CACNA1C: variants seen among roughly 807,000 people sequenced by gnomAD.
CACNA1C encodes the protein calcium voltage-gated channel subunit alpha1 C, also known as voltage-dependent L-type calcium channel subunit alpha-1C.
Under a neutral mutation model 229.0 loss-of-function variants are expected in CACNA1C, and 30 were observed. The observed-to-expected ratio is 0.13, with a 90% CI of 0.10 to 0.18. CACNA1C has a LOEUF of 0.18. Among genes scored for constraint, CACNA1C ranks in the 10% least tolerant of loss-of-function variants. The pLI, the probability that CACNA1C is intolerant of heterozygous loss-of-function variation, is 1.00. For synonymous variants in CACNA1C, 1,114 were observed against 1,132.5 expected (o/e 0.98, Z 0.33); for missense variants, 1,658 against 2,845.0 (o/e 0.58, Z 9.49).
In CACNA1C at chr12:2,471,485, A is replaced by G. The variant is rs190771585; in HGVS notation, c.757+13779A>G. On this transcript the variant is annotated intron_variant, in intron 5 of 46. Transcript: ENST00000399655. The stretch of plus-strand genomic sequence containing the variant: ...TTTCCCCTTATCTTGAAGCAACCCA[A>G]TGGCATTTCTATAATGTAGGTCTGC... Among the ~76,000 whole-genome samples, 606 of 152,312 alleles carry G rather than the reference A, an allele frequency of 4.0e-3. 6 individuals are homozygous for G. Among genetic ancestry groups the G allele is most frequent in the African/African-American group, 0.014 (570 of 41,566 alleles).
chr12:2,634,525 T>C (rs886788284), intron 30 of CACNA1C, 145 bp downstream of exon 30: 30 of 440,902 alleles, frequency 6.8e-5, no homozygotes, highest in Non-Finnish European at 1.1e-4. Flanking sequence ...GGTTTGAAGG[T>C]TTTTTTTTCC....
At chr12:2,453,001 G>T (rs990985441) in intron 4 of CACNA1C, among the ~76,000 whole-genome samples, 4 of 152,178 alleles carry the variant, frequency 2.6e-5, no homozygotes, top group African/African-American at 9.7e-5. Flanking sequence ...GGCCTCACCA[G>T]CTAACATAGG....
chr12:2,448,954 CTTTTCTATT>C lies in CACNA1C; in HGVS notation c.478-20_478-12del. 5 of 1,593,346 alleles carry C rather than the reference CTTTTCTATT, an allele frequency of 3.1e-6. No individual in the cohort carries two copies. Among genetic ancestry groups the C allele is most frequent in the Non-Finnish European group, 4.3e-6 (5 of 1,166,132 alleles). ...CCAAACCAATGACTTATTTTTCTCTCTTTTCTATTTCTGTTTCCTAGGAACGAGTGGAAT... is the reference window on the plus strand; with the variant it reads ...CCAAACCAATGACTTATTTTTCTCTCTCTGTTTCCTAGGAACGAGTGGAAT... On this transcript the variant is annotated splice_polypyrimidine_tract_variant and intron_variant, in intron 3 of 46. Coordinates refer to ENST00000399655, the MANE Select transcript of CACNA1C (RefSeq NM_000719.7).
At chr12:2,569,463 C>T (rs1360076186) in intron 13 of CACNA1C, among the ~76,000 whole-genome samples, 2 of 152,116 alleles carry the variant, frequency 1.3e-5, no homozygotes, top group Admixed American at 1.3e-4. Context: ...ACATTTCCCC[C>T]ATCTTCCCTC....
At position 2,462,889 on chromosome 12, in the gene CACNA1C, G is replaced by A. The variant is rs182557657; in HGVS notation, c.757+5183G>A. Among the ~76,000 whole-genome samples, 470 of 149,116 alleles carry A rather than the reference G, an allele frequency of 3.2e-3. 5 individuals carry two copies. The highest frequency in any genetic ancestry group is 5.5e-3 in the Admixed American group (82 of 14,976). On this transcript the variant is annotated intron_variant, in intron 5 of 46. Transcript: ENST00000399655. ...ACATCTGCAATTCTAGACCAATAGT[G>A]TTAGAGGCCCCAAAAGTTGCATTTT... is the stretch of plus-strand genomic sequence containing the variant.
At chr12:2,437,260 T>C (rs1430259713) in intron 3 of CACNA1C, among the ~76,000 whole-genome samples, 13 of 151,696 alleles carry the variant, frequency 8.6e-5, no homozygotes, top group Non-Finnish European at 1.6e-4. Flanking sequence ...AGGGGAAGAG[T>C]GGGGAGGCCT....
chr12:2,394,882 G>A (rs2098545094), intron 3 of CACNA1C, among the ~76,000 whole-genome samples: 1 of 152,220 alleles, frequency 6.6e-6, no homozygotes, highest in Non-Finnish European at 1.5e-5. Context: ...AGCTGTATCT[G>A]CAAAGCCAGT....
intron 38 of CACNA1C, 64 bp from the exon 39 acceptor site, chr12:2,674,477 T>C: frequency 6.6e-7 from 1 of 1,523,524 alleles, no homozygotes; most frequent in South Asian, 1.2e-5. Context: ...CTTCCTACCT[T>C]ACGCAGAGGG....
Position 2,608,698 on chromosome 12 carries a change from C to A in CACNA1C, c.3544C>A (p.Leu1182Met). ...GGAGCAGGAGTACAAGAACTGTGAGCTGGACAAGAACCAGGTAGCTTCCTA... is the reference window on the plus strand; with the variant it reads ...GGAGCAGGAGTACAAGAACTGTGAGATGGACAAGAACCAGGTAGCTTCCTA... The part of the protein sequence containing the change: ...QGEQEYKNCE[L>M]DKNQRQCVEY... Residue 1182 changes from leucine (L) to methionine (M), a missense_variant, in exon 27 of 47, where the codon CTG becomes ATG. This residue lies in a region of CACNA1C where 67 missense variants were observed against 106.4 expected (regional missense o/e 0.63). Transcript: ENST00000399655. The surrounding 1 kb of genome is among the most constrained non-coding windows in gnomAD (Gnocchi z 4.2). 1 of 1,614,092 alleles carries A rather than the reference C, an allele frequency of 6.2e-7. No homozygotes were observed. The highest frequency in any genetic ancestry group is 8.5e-7 in the Non-Finnish European group (1 of 1,179,966).
At chr12:2,099,088 C>T (rs762182452) in intron 1 of CACNA1C, among the ~76,000 whole-genome samples, 11 of 152,332 alleles carry the variant, frequency 7.2e-5, no homozygotes, top group Non-Finnish European at 1.3e-4. Context: ...CACTCTGGAC[C>T]GGGGCTTAGT....
chr12:2,684,612 C>T (rs2097347204), intron 43 of CACNA1C, among the ~76,000 whole-genome samples: 1 of 151,128 alleles, frequency 6.6e-6, no homozygotes, highest in African/African-American at 2.5e-5. Context: ...AGGAAGATAA[C>T]ACAGAGTTTC....
chr12:2,439,276 T>C (rs1295614316), intron 3 of CACNA1C, among the ~76,000 whole-genome samples: 2 of 152,194 alleles, frequency 1.3e-5, no homozygotes, highest in African/African-American at 4.8e-5. Context: ...GGCAGCATTG[T>C]GGCAAAGGTT....
intron 1 of CACNA1C, among the ~76,000 whole-genome samples, chr12:1,973,246 C>T (rs2033112993): frequency 6.6e-6 from 1 of 152,052 alleles, no homozygotes; most frequent in South Asian, 2.1e-4. Flanking sequence ...CACAAATCAG[C>T]GATCCCATGA....
chr12:2,438,026 AGTGGTGGTG>A (rs2099159912), intron 3 of CACNA1C, among the ~76,000 whole-genome samples: 1 of 95,688 alleles, frequency 1.0e-5, no homozygotes, highest in African/African-American at 4.3e-5. Context: ...GTATGATGGT[AGTGGTGGTG>A]AGGGTGGTGG....
At chr12:2,449,425 C>T (rs148166373) in intron 4 of CACNA1C, among the ~76,000 whole-genome samples, 40 of 152,338 alleles carry the variant, frequency 2.6e-4, no homozygotes, top group African/African-American at 9.6e-4. Context: ...TCCGTGGTTC[C>T]ACCCTAGTGT....
intron 1 of CACNA1C, among the ~76,000 whole-genome samples, chr12:2,064,684 A>T (rs1171050724): frequency 6.6e-6 from 1 of 152,230 alleles, no homozygotes; most frequent in Non-Finnish European, 1.5e-5. Flanking sequence ...GTGGGTAGAC[A>T]GCCAGGGGAA....
chr12:2,082,675 G>A (rs1414069779), intron 1 of CACNA1C, among the ~76,000 whole-genome samples: 1 of 152,082 alleles, frequency 6.6e-6, no homozygotes, highest in East Asian at 1.9e-4. Context: ...CAGAGCTTGG[G>A]TTTTCTTAAT....
intron 3 of CACNA1C, among the ~76,000 whole-genome samples, chr12:2,202,738 A>C (rs2097627992): frequency 6.6e-6 from 1 of 152,142 alleles, no homozygotes; most frequent in South Asian, 2.1e-4. Context: ...TTGGACGCTT[A>C]TTTAATTTAA....
At chr12:2,000,259 AT>A (rs2041880913) in intron 1 of CACNA1C, among the ~76,000 whole-genome samples, 1 of 152,234 alleles carries the variant, frequency 6.6e-6, no homozygotes, top group Non-Finnish European at 1.5e-5. Flanking sequence ...GATACAGGTG[AT>A]AGAACTAGGA....
Sources: gnomAD v4.1 joint callset for allele counts (sites outside exome capture counted in the v4.1 genomes callset) on GRCh38, gnomAD v4.1.1 for gene constraint, gnomAD v4.1.1 regional missense constraint, Gnocchi (gnomAD v3.1) non-coding constraint, MANE v1.5 for transcripts, NCBI Gene and HGNC (gene_info 2026-07-23, HGNC 2026-07-21) for gene names.